Variants in POLR1H observed in about 807,000 individuals in gnomAD.
POLR1H encodes DNA-directed RNA polymerase I subunit RPA12.
In POLR1H, 5 loss-of-function variants were observed where a neutral mutation model predicts 15.8. The observed-to-expected ratio is 0.32, with a 90% CI of 0.17 to 0.67. The LOEUF (loss-of-function observed/expected upper bound fraction) is 0.67, where lower values mean the gene tolerates loss of function less well. Ranked by LOEUF, POLR1H falls within the 30% of genes least tolerant of loss-of-function variation. The probability of loss-of-function intolerance (pLI) is 0.74; values close to 1 mark genes in which losing one functional copy is unlikely to be tolerated. For missense variants in POLR1H, 100 were observed against 163.4 expected, an observed-to-expected ratio of 0.61 and a Z score of 2.11; for synonymous variants, 43 against 58.3, an observed-to-expected ratio of 0.74 and a Z score of 1.20.
rs771478740 is a variant in POLR1H, at chr6:30,062,341, T to A, written c.356+8T>A. 1 of 1,545,600 alleles carries A rather than the reference T, an allele frequency of 6.5e-7. No individual in the cohort carries two copies. Among genetic ancestry groups the A allele is most frequent in the African/African-American group, 1.4e-5 (1 of 73,614 alleles). On this transcript the variant is annotated splice_region_variant and intron_variant, in intron 3 of 3. Coordinates refer to ENST00000332435, the MANE Select transcript of POLR1H (RefSeq NM_170783.4). ...CACCTGTACCAACTGCAAGTGAGTA[T>A]TCTTTCCCCTCCCTCTGCTCAGTCT...
rs1318019036 is a variant in POLR1H, at chr6:30,061,924, G to A, written c.153G>A (p.Glu51=). 1 of 1,613,120 alleles carries A rather than the reference G, an allele frequency of 6.2e-7. No individual in the cohort carries two copies. The highest frequency in any genetic ancestry group is 8.5e-7 in the Non-Finnish European group (1 of 1,180,012). The part of the protein sequence containing the change: ...CGFNINVRDF[E]GKVVKTSVVF... ...TCTTACTTGCCTGTGCAGACTTTGA[G>A]GGGAAGGTTGTGAAGACTTCGGTTG... The change falls in exon 2 of 4, where the codon GAG becomes GAA. Residue 51 remains glutamate (E), a synonymous_variant. Coordinates refer to ENST00000332435, the MANE Select transcript of POLR1H (RefSeq NM_170783.4). The surrounding 1 kb of genome is among the most constrained non-coding windows in gnomAD (Gnocchi z 5.0).
Position 30,064,879 on chromosome 6 carries a change from TAA to T in POLR1H, c.*184_*185del, listed in dbSNP as rs1463768829. ...CCTACCCTTAGTTGAATTTCCTTATTAAAGTTATATTTTTCTATAAGACCCTG... is the reference window on the plus strand; with the variant it reads ...CCTACCCTTAGTTGAATTTCCTTATTAGTTATATTTTTCTATAAGACCCTG... On this transcript the variant is annotated 3_prime_UTR_variant, in exon 4 of 4. Transcript: ENST00000332435. 1 of 434,728 alleles carries T rather than the reference TAA, an allele frequency of 2.3e-6. No homozygotes were observed. The highest frequency in any genetic ancestry group is 4.0e-6 in the Non-Finnish European group (1 of 247,062). The allele number at this position is 434,728 out of a possible 1,614,324, so 26.9% of individuals were successfully genotyped here.
chr6:30,061,239 C>T (rs944751779), upstream of POLR1H: 53 of 377,780 alleles, frequency 1.4e-4, no homozygotes, highest in African/African-American at 1.1e-3. The surrounding 1 kb of genome is among the most constrained non-coding windows in gnomAD (Gnocchi z 5.0). Context: ...CTAGCCGGCT[C>T]TATCTCGCTG....
At position 30,061,477 on chromosome 6, in the gene POLR1H, TCTCTC is replaced by T; in HGVS notation, c.-47_-43del. Reference sequence around the variant, plus strand: ...TTACGACCTCTGGGACAGGAACTCTTCTCTCTTTTGTTAATAAACTTCCAACTCCC... The same window carrying T: ...TTACGACCTCTGGGACAGGAACTCTTTTTTGTTAATAAACTTCCAACTCCC... On this transcript the variant is annotated 5_prime_UTR_variant, in exon 1 of 4. Coordinates refer to ENST00000332435, the MANE Select transcript of POLR1H (RefSeq NM_170783.4). The surrounding 1 kb of genome is among the most constrained non-coding windows in gnomAD (Gnocchi z 5.0). The T allele has an allele frequency of 6.9e-6, 11 of 1,604,076 alleles. No individual in the cohort carries two copies. The highest frequency in any genetic ancestry group is 9.4e-6 in the Non-Finnish European group (11 of 1,173,710).
intron 3 of POLR1H, 32 bp downstream of exon 3, chr6:30,062,365 C>T: frequency 6.9e-7 from 1 of 1,443,680 alleles, no homozygotes; most frequent in Non-Finnish European, 9.7e-7. Context: ...TCTGCTCAGT[C>T]TGTTTGCTAA....
intron 3 of POLR1H, among the ~76,000 whole-genome samples, chr6:30,064,255 A>G (rs551198506): frequency 5.6e-4 from 86 of 152,230 alleles, no homozygotes; most frequent in African/African-American, 1.9e-3. Context: ...TATATCTTTT[A>G]AAAGTATTTT....
At position 30,064,292 on chromosome 6, in the gene POLR1H, CA is replaced by C. The variant is rs372351529; in HGVS notation, c.357-368del. 2.0e-3 allele frequency among the ~76,000 whole-genome samples: 283 copies of C among 143,914 alleles called. 2 individuals carry two copies. In the East Asian group the frequency reaches 0.024, roughly 12 times the overall value. The allele number at this position is 143,914 out of a possible 152,430, so 94.4% of individuals were successfully genotyped here. A position where few individuals can be genotyped will look rare whatever the true frequency, so the allele number is the denominator to read the frequency against. The stretch of plus-strand genomic sequence containing the variant: ...TTCCTATCACTGGTTGTCATTTTAC[CA>C]AAAAAAAAAAAATTTTTTTTAAATA... On this transcript the variant is annotated intron_variant, in intron 3 of 3. Coordinates refer to ENST00000332435, the MANE Select transcript of POLR1H (RefSeq NM_170783.4).
chr6:30,062,543 A>ATTT (rs9278553), intron 3 of POLR1H, among the ~76,000 whole-genome samples: 3 of 64,988 alleles, frequency 4.6e-5, no homozygotes, highest in Admixed American at 2.2e-4. Context: ...ACCTTTTAGG[A>ATTT]TTTTTTTTTT....
chr6:30,062,108 A>T, intron 2 of POLR1H, 91 bp downstream of exon 2: 8 of 1,467,828 alleles, frequency 5.5e-6, no homozygotes, highest in Non-Finnish European at 7.6e-6. Context: ...TTTGTGCCCA[A>T]TTCCAAGAGG....
At position 30,061,797 on chromosome 6, in the gene POLR1H, G is replaced by C; in HGVS notation, c.146-120G>C. ...CAGGCGGTTGTACATTTGGTCTAGC[G>C]ATGAAAACTGAGGGAAAGGATGTAG... On this transcript the variant is annotated intron_variant, in intron 1 of 3. Coordinates refer to ENST00000332435, the MANE Select transcript of POLR1H (RefSeq NM_170783.4). This position sits in a 1 kb window ranked among gnomAD's most constrained non-coding sequence, Gnocchi z 5.0. 6.4e-7 allele frequency: 1 copy of C among 1,553,410 alleles called. No homozygotes were observed.
upstream of POLR1H, chr6:30,060,861 T>G (rs1267181204): frequency 6.6e-6 from 1 of 152,224 alleles, no homozygotes; most frequent in Non-Finnish European, 1.5e-5. Flanking sequence ...ACACTTAGCT[T>G]TGTTTTTAAC....
At chr6:30,060,070 ATTTCACAG>A (rs1288214614), upstream of POLR1H, 1 of 152,268 alleles carries the variant, frequency 6.6e-6, no homozygotes, top group African/African-American at 2.4e-5. Flanking sequence ...ATAACAAGCA[ATTTCACAG>A]TTAAATGATA....
At chr6:30,062,543 ATTTTTTTT>A (rs9278553) in intron 3 of POLR1H, among the ~76,000 whole-genome samples, 4 of 64,984 alleles carry the variant, frequency 6.2e-5, no homozygotes, top group Admixed American at 2.2e-4. Context: ...ACCTTTTAGG[ATTTTTTTT>A]TTTTTTTTTT....
At position 30,062,832 on chromosome 6, in the gene POLR1H, A is replaced by G. The variant is rs1396869676; in HGVS notation, c.356+499A>G. ...AGTGATCCACCCACCTCAGCATCCC[A>G]AAGTGCTGGGATTACAGGCATGAGC... On this transcript the variant is annotated intron_variant, in intron 3 of 3. Transcript: ENST00000332435. Among the ~76,000 whole-genome samples, 6 of 147,908 alleles carry G rather than the reference A, an allele frequency of 4.1e-5. No individual in the cohort carries two copies. In the East Asian group the frequency reaches 7.9e-4, roughly 19 times the overall value.
At chr6:30,061,182 A>G (rs1340588618), upstream of POLR1H, 2 of 236,898 alleles carry the variant, frequency 8.4e-6, no homozygotes, top group Non-Finnish European at 1.6e-5. This position sits in a 1 kb window ranked among gnomAD's most constrained non-coding sequence, Gnocchi z 5.0. Context: ...ACGGTTCGCA[A>G]TTAATTATGA....
chr6:30,062,484 ATTTTT>A, intron 3 of POLR1H, 151 bp downstream of exon 3: 3 of 451,722 alleles, frequency 6.6e-6, no homozygotes, highest in Non-Finnish European at 1.2e-5. Context: ...GTTGTTTTTT[ATTTTT>A]TTAAGTTACA....
rs1765298247 is a variant in POLR1H, at chr6:30,063,752, T to C, written c.357-921T>C. ...GTGCTGTATTCTCAGCATTTGTGTTTCTTTTCTAGGTGCCTTGAAGCACTA... is the reference window on the plus strand; with the variant it reads ...GTGCTGTATTCTCAGCATTTGTGTTCCTTTTCTAGGTGCCTTGAAGCACTA... On this transcript the variant is annotated intron_variant, in intron 3 of 3. Coordinates refer to ENST00000332435, the MANE Select transcript of POLR1H (RefSeq NM_170783.4). The surrounding 1 kb of genome is among the most constrained non-coding windows in gnomAD (Gnocchi z 4.1). 6.6e-6 allele frequency among the ~76,000 whole-genome samples: 1 copy of C among 152,196 alleles called. No individual in the cohort carries two copies.
At position 30,063,702 on chromosome 6, in the gene POLR1H, A is replaced by AGGAATTCTTTGAGGCCTT. The variant is rs1362375796; in HGVS notation, c.357-968_357-951dup. On this transcript the variant is annotated intron_variant, in intron 3 of 3. Coordinates refer to ENST00000332435, the MANE Select transcript of POLR1H (RefSeq NM_170783.4). This position sits in a 1 kb window ranked among gnomAD's most constrained non-coding sequence, Gnocchi z 4.1. ...TCGAGTTTTTTAGAACTTGAACTGT[A>AGGAATTCTTTGAGGCCTT]GGAATTCTTTGAGGCCTTGGGCGAG... Among the ~76,000 whole-genome samples the AGGAATTCTTTGAGGCCTT allele has an allele frequency of 1.3e-5, 2 of 152,082 alleles. No individual in the cohort carries two copies. Among genetic ancestry groups the AGGAATTCTTTGAGGCCTT allele is most frequent in the Non-Finnish European group, 2.9e-5 (2 of 68,018 alleles).
chr6:30,062,727 T>C (rs1006689075), intron 3 of POLR1H, among the ~76,000 whole-genome samples: 8 of 115,472 alleles, frequency 6.9e-5, no homozygotes, highest in South Asian at 2.9e-4. Context: ...TTTTTTTTTT[T>C]TTTTTTTTTT....
Sources: gnomAD v4.1 joint callset for allele counts (sites outside exome capture counted in the v4.1 genomes callset) on GRCh38, gnomAD v4.1.1 for gene constraint, Gnocchi (gnomAD v3.1) non-coding constraint, MANE v1.5 for transcripts, NCBI Gene and HGNC (gene_info 2026-07-23, HGNC 2026-07-21) for gene names.